Variants in L3MBTL4 observed in about 807,000 individuals in gnomAD.
L3MBTL4 encodes lethal(3)malignant brain tumor-like protein 4.
Under a neutral mutation model 84.5 loss-of-function variants are expected in L3MBTL4, and 70 were observed. That is an observed-to-expected ratio of 0.83 (90% confidence interval 0.68 to 1.01). L3MBTL4 has a LOEUF of 1.01. Among genes scored for constraint, L3MBTL4 ranks in the 50% least tolerant of loss-of-function variants. The probability of loss-of-function intolerance (pLI) is 0.00; values close to 1 mark genes in which losing one functional copy is unlikely to be tolerated. For synonymous variants in L3MBTL4, 274 were observed against 259.8 expected, an observed-to-expected ratio of 1.05 and a Z score of -0.52; for missense variants, 715 against 754.8, an observed-to-expected ratio of 0.95 and a Z score of 0.62.
At chr18:6,044,602 GC>G (rs2056538020) in intron 16 of L3MBTL4, among the ~76,000 whole-genome samples, 1 of 152,086 alleles carries the variant, frequency 6.6e-6, no homozygotes, top group Admixed American at 6.6e-5. Flanking sequence ...TACACTCTCT[GC>G]ACTGCAGTTT....
chr18:6,056,644 T>C (rs1201865611), intron 16 of L3MBTL4, among the ~76,000 whole-genome samples: 1 of 152,170 alleles, frequency 6.6e-6, no homozygotes, highest in African/African-American at 2.4e-5. Flanking sequence ...AGCGAGTTTG[T>C]GGCTGGGCTT....
chr18:6,004,343 T>C (rs2054362897), intron 16 of L3MBTL4, among the ~76,000 whole-genome samples: 2 of 152,132 alleles, frequency 1.3e-5, no homozygotes, highest in Non-Finnish European at 2.9e-5. Context: ...ACAGAAAATC[T>C]GAATGGACCT....
At chr18:6,016,972 C>A (rs1598442438) in intron 16 of L3MBTL4, among the ~76,000 whole-genome samples, 1 of 151,836 alleles carries the variant, frequency 6.6e-6, no homozygotes, top group African/African-American at 2.4e-5. Context: ...CCTCTCAGGG[C>A]AGAGCTGAGC....
chr18:6,037,086 CA>C (rs2056175995), intron 16 of L3MBTL4, among the ~76,000 whole-genome samples: 1 of 152,156 alleles, frequency 6.6e-6, no homozygotes, highest in Admixed American at 6.5e-5. Flanking sequence ...CAATGCTCAC[CA>C]CCTCTTTGCA....
At chr18:6,240,297 CA>C (rs2047400235) in intron 8 of L3MBTL4, among the ~76,000 whole-genome samples, 11 of 151,758 alleles carry the variant, frequency 7.2e-5, no homozygotes, top group Admixed American at 7.2e-4. Context: ...TAATTAGCAC[CA>C]AAGTATCCTG....
intron 17 of L3MBTL4, among the ~76,000 whole-genome samples, chr18:5,963,284 A>G (rs1308299595): frequency 2.6e-5 from 4 of 152,238 alleles, no homozygotes; most frequent in Non-Finnish European, 4.4e-5. Context: ...TGCCTATGTT[A>G]AACTGTCCTT....
chr18:6,201,822 T>C lies in L3MBTL4; in HGVS notation c.981+11327A>G, dbSNP rs1452060760. On this transcript the variant is annotated intron_variant, in intron 12 of 18. Coordinates refer to ENST00000317931, the MANE Select transcript of L3MBTL4 (RefSeq NM_001330559.2). ...TAAATATGTACAAATATTGCATAAATATAAATACCCCATAAATATGTACAA... is the reference window on the plus strand; with the variant it reads ...TAAATATGTACAAATATTGCATAAACATAAATACCCCATAAATATGTACAA... Among the ~76,000 whole-genome samples the C allele has an allele frequency of 3.9e-5, 6 of 152,216 alleles. No individual in the cohort carries two copies. The South Asian group carries it at 1.0e-3, about 26-fold the overall frequency.
intron 16 of L3MBTL4, among the ~76,000 whole-genome samples, chr18:5,972,647 CA>C (rs2052694229): frequency 6.6e-6 from 1 of 152,064 alleles, no homozygotes; most frequent in Non-Finnish European, 1.5e-5. Flanking sequence ...TACTCTTTAG[CA>C]GGTCTAATGT....
At chr18:6,078,848 C>G (rs1445893761) in intron 16 of L3MBTL4, among the ~76,000 whole-genome samples, 1 of 152,136 alleles carries the variant, frequency 6.6e-6, no homozygotes. Flanking sequence ...GAGCCCTGAG[C>G]TTGTTTTTCT....
At chr18:6,020,901 T>G (rs1412943766) in intron 16 of L3MBTL4, among the ~76,000 whole-genome samples, 1 of 152,110 alleles carries the variant, frequency 6.6e-6, no homozygotes, top group Non-Finnish European at 1.5e-5. Flanking sequence ...GACAGAACTT[T>G]GGAAGCCATT....
At chr18:5,960,051 T>C (rs55953517) in intron 18 of L3MBTL4, 43 bp downstream of exon 18, 1 of 418,796 alleles carries the variant, frequency 2.4e-6, no homozygotes, top group East Asian at 5.3e-5. Flanking sequence ...CACACATATA[T>C]ATATATATAC....
At chr18:6,338,784 A>G (rs2052466173) in intron 1 of L3MBTL4, among the ~76,000 whole-genome samples, 3 of 152,126 alleles carry the variant, frequency 2.0e-5, no homozygotes, top group Admixed American at 2.0e-4. Flanking sequence ...AAAAGACTTG[A>G]AAAATATGTT....
chr18:6,247,041 C>T (rs928528391), intron 5 of L3MBTL4, among the ~76,000 whole-genome samples: 18 of 152,200 alleles, frequency 1.2e-4, no homozygotes, highest in African/African-American at 3.6e-4. Flanking sequence ...TTTGTACTTA[C>T]TCTATCTCTC....
At chr18:5,996,277 G>A (rs1046610287) in intron 16 of L3MBTL4, among the ~76,000 whole-genome samples, 8 of 152,176 alleles carry the variant, frequency 5.3e-5, no homozygotes, top group Non-Finnish European at 1.2e-4. Flanking sequence ...TGATTCTGAT[G>A]ATTCAGACGA....
intron 1 of L3MBTL4, among the ~76,000 whole-genome samples, chr18:6,376,262 G>A (rs938475066): frequency 6.6e-6 from 1 of 152,152 alleles, no homozygotes. Flanking sequence ...TTCTCTTAAT[G>A]TAGGTCCCAC....
intron 16 of L3MBTL4, among the ~76,000 whole-genome samples, chr18:6,035,760 A>G (rs1487192897): frequency 1.3e-5 from 2 of 152,306 alleles, no homozygotes; most frequent in African/African-American, 4.8e-5. Context: ...TTTTCACGAT[A>G]TTGATTCTTC....
At chr18:6,005,112 G>A (rs969868716) in intron 16 of L3MBTL4, among the ~76,000 whole-genome samples, 1 of 148,532 alleles carries the variant, frequency 6.7e-6, no homozygotes, top group Non-Finnish European at 1.5e-5. Context: ...GGAAGGCTGA[G>A]GTGGGTGGAT....
intron 16 of L3MBTL4, among the ~76,000 whole-genome samples, chr18:6,072,988 C>T (rs1488944514): frequency 1.6e-4 from 22 of 134,008 alleles, no homozygotes; most frequent in African/African-American, 6.2e-4. Flanking sequence ...AGAAAAATGA[C>T]GGTAAATTAA....
chr18:6,053,643 A>C (rs2056913944), intron 16 of L3MBTL4, among the ~76,000 whole-genome samples: 1 of 152,206 alleles, frequency 6.6e-6, no homozygotes, highest in East Asian at 1.9e-4. Context: ...CAACGAATGC[A>C]ACTGCCCTCC....
Sources: allele counts gnomAD v4.1 joint callset (sites outside exome capture counted in the v4.1 genomes callset), GRCh38; gene constraint gnomAD v4.1.1; transcripts MANE v1.5; gene names NCBI Gene and HGNC (gene_info 2026-07-23, HGNC 2026-07-21).